Variants in ANKRD24 observed in about 807,000 individuals in gnomAD.
ANKRD24 encodes the protein ankyrin repeat domain-containing protein 24.
ANKRD24 carries 109 observed loss-of-function variants against 127.8 expected under a neutral mutation model. The observed-to-expected ratio is 0.85, with a 90% CI of 0.73 to 1.00. The LOEUF is 1.00. ANKRD24 is among the 50% of genes least tolerant of loss of function. ANKRD24 has a pLI of 0.00. For synonymous variants in ANKRD24, 743 were observed against 671.1 expected, an observed-to-expected ratio of 1.11 and a Z score of -1.66; for missense variants, 1,648 against 1,570.2, an observed-to-expected ratio of 1.05 and a Z score of -0.84.
chr19:4,187,509 G>A (rs1262558001), intron 2 of ANKRD24, among the ~76,000 whole-genome samples: 3 of 152,214 alleles, frequency 2.0e-5, no homozygotes, highest in Non-Finnish European at 4.4e-5. Flanking sequence ...CAAAGGCCCT[G>A]AGGTAGATCC....
rs1970180385 is a variant in ANKRD24, at chr19:4,217,552, C to G, written c.2392C>G (p.Leu798Val). ...RAALEQARED[L>V]RDRDSRLREL... ...GGCCCTGGAGCAGGCCCGGGAGGAC[C>G]TCCGAGACCGGGACTCCCGCCTGCG... The change falls in exon 18 of 22, where the codon CTC becomes GTC. Residue 798 changes from leucine (L) to valine (V), a missense_variant. By Grantham distance (32) the Leu-to-Val change is conservative. Transcript: ENST00000318934. 6.1e-6 allele frequency: 8 copies of G among 1,321,620 alleles called. No homozygotes were observed. Among genetic ancestry groups the G allele is most frequent in the Non-Finnish European group, 7.7e-6 (8 of 1,040,732 alleles). The allele number at this position is 1,321,620 out of a possible 1,614,324, so 81.9% of individuals were successfully genotyped here.
At chr19:4,186,545 T>C (rs1157509294) in intron 2 of ANKRD24, 84 bp downstream of exon 2, 1 of 1,439,180 alleles carries the variant, frequency 6.9e-7, no homozygotes, top group Non-Finnish European at 9.6e-7. Context: ...ATCCACCCTT[T>C]CATTCCAGTA....
At chr19:4,187,092 G>A (rs1968107538) in intron 2 of ANKRD24, among the ~76,000 whole-genome samples, 1 of 152,154 alleles carries the variant, frequency 6.6e-6, no homozygotes, top group Non-Finnish European at 1.5e-5. Context: ...CTTCCCAGAG[G>A]AGGTGGTATT....
intron 2 of ANKRD24, among the ~76,000 whole-genome samples, chr19:4,193,846 A>AAGGAAGGAAGGAAGGAAGGAT (rs1968531849): frequency 1.9e-5 from 1 of 51,646 alleles, no homozygotes; most frequent in Admixed American, 2.5e-4. Context: ...GGAGGGAGGG[A>AAGGAAGGAAGGAAGGAAGGAT]GGAAGGAAGG....
Position 4,199,718 on chromosome 19 carries a change from G to T in ANKRD24, c.72G>T (p.Pro24=). The T allele has an allele frequency of 3.3e-6, 5 of 1,538,062 alleles. No individual in the cohort carries two copies. The highest frequency in any genetic ancestry group is 1.4e-5 in the African/African-American group (1 of 72,990). The change falls in exon 3 of 22, where the codon CCG becomes CCT. Residue 24 remains proline (P), a synonymous_variant. Coordinates refer to ENST00000318934, the MANE Select transcript of ANKRD24 (RefSeq NM_001393985.1). This position sits in a 1 kb window ranked among gnomAD's most constrained non-coding sequence, Gnocchi z 5.2. ...RLSPTDLGSC[P]PCGPCPIPKP... is the part of the protein sequence containing the mutation. Reference sequence around the variant, plus strand: ...GCCCCACTGACCTTGGCTCCTGCCCGCCCTGCGGCCCCTGCCCCATCCCGA... The same window carrying T: ...GCCCCACTGACCTTGGCTCCTGCCCTCCCTGCGGCCCCTGCCCCATCCCGA...
At chr19:4,203,679 C>T (rs976968959) in intron 7 of ANKRD24, among the ~76,000 whole-genome samples, 2 of 151,368 alleles carry the variant, frequency 1.3e-5, no homozygotes, top group African/African-American at 4.9e-5. Context: ...TAGAATCTCC[C>T]TCTGTCGCCC....
rs751351411 is a variant in ANKRD24 at position 4,216,811 on chromosome 19, G to C, written c.1651G>C (p.Ala551Pro). 3.6e-5 allele frequency: 57 copies of C among 1,604,980 alleles called. No homozygotes were observed. The South Asian group carries it at 5.9e-4, about 17-fold the overall frequency. Reference protein sequence around the residue: ...PTHMELNGSVAPETKVNGAET... With the variant: ...PTHMELNGSVPPETKVNGAET... ...CCACATGGAGCTAAATGGCTCAGTG[G>C]CTCCAGAAACCAAAGTTAACGGAGC... The change falls in exon 18 of 22, where the codon GCT becomes CCT. Residue 551 changes from alanine (A) to proline (P), a missense_variant. Coordinates refer to ENST00000318934, the MANE Select transcript of ANKRD24 (RefSeq NM_001393985.1).
chr19:4,199,432 A>T lies in ANKRD24; in HGVS notation c.37-251A>T. ...CTACTATGGTGCCCAGGTTTGTCTC[A>T]AACTCCTAGGCTCAAGCGATCCTCC... On this transcript the variant is annotated intron_variant, in intron 2 of 21. Coordinates refer to ENST00000318934, the MANE Select transcript of ANKRD24 (RefSeq NM_001393985.1). This position sits in a 1 kb window ranked among gnomAD's most constrained non-coding sequence, Gnocchi z 5.2. The T allele has an allele frequency of 2.2e-6, 2 of 921,352 alleles. No homozygotes were observed. Among genetic ancestry groups the T allele is most frequent in the Non-Finnish European group, 2.6e-6 (2 of 771,622 alleles). 57.1% of individuals were successfully genotyped at this position (921,352 alleles called of 1,614,324 possible).
chr19:4,195,763 G>A lies in ANKRD24; in HGVS notation c.37-3920G>A, dbSNP rs62130861. Among the ~76,000 whole-genome samples the A allele has an allele frequency of 8.3e-3, 1,264 of 152,240 alleles. 41 individuals are homozygous for A. Among genetic ancestry groups the A allele is most frequent in the Admixed American group, 0.054 (822 of 15,294 alleles). ...ACAAAAATTCGCTAGGCGTGGTGGC[G>A]TGTGCCTGTAATCCCAGCTACTCGG... On this transcript the variant is annotated intron_variant, in intron 2 of 21. Coordinates refer to ENST00000318934, the MANE Select transcript of ANKRD24 (RefSeq NM_001393985.1). This position sits in a 1 kb window ranked among gnomAD's most constrained non-coding sequence, Gnocchi z 4.2.
At chr19:4,213,813 G>A in intron 15 of ANKRD24, among the ~76,000 whole-genome samples, 1 of 151,668 alleles carries the variant, frequency 6.6e-6, no homozygotes. Flanking sequence ...TTTTGTATTT[G>A]TAGTAGAAAT....
intron 1 of ANKRD24, among the ~76,000 whole-genome samples, chr19:4,184,503 T>A (rs758421795): frequency 2.0e-5 from 3 of 152,200 alleles, no homozygotes; most frequent in Non-Finnish European, 2.9e-5. Context: ...CCTGCCTAGC[T>A]TCCTCCAAGG....
At chr19:4,186,064 C>T (rs1003439848) in intron 1 of ANKRD24, among the ~76,000 whole-genome samples, 9 of 152,060 alleles carry the variant, frequency 5.9e-5, no homozygotes, top group South Asian at 2.1e-4. Context: ...CTGTTTGGAC[C>T]GCAGGAAATA....
At chr19:4,207,134 G>A in intron 7 of ANKRD24, 108 bp from the exon 8 acceptor site, 1 of 788,732 alleles carries the variant, frequency 1.3e-6, no homozygotes, top group South Asian at 1.5e-5. Flanking sequence ...TGTTGGCCCA[G>A]GTTGGTCTCA....
Position 4,216,733 on chromosome 19 carries a change from G to A in ANKRD24, c.1573G>A (p.Ala525Thr). The A allele has an allele frequency of 6.3e-7, 1 of 1,577,974 alleles. No individual in the cohort carries two copies. The highest frequency in any genetic ancestry group is 8.6e-7 in the Non-Finnish European group (1 of 1,162,446). The change falls in exon 18 of 22, where the codon GCC (alanine) becomes ACC (threonine). Residue 525 changes from alanine (A) to threonine (T), a missense_variant. Ala to Thr is a moderately conservative substitution (Grantham distance 58). Coordinates refer to ENST00000318934, the MANE Select transcript of ANKRD24 (RefSeq NM_001393985.1). ...AGAGGTCCCCAGAGAAGAGGGGGCA[G>A]CCTGTGGGGAGAGTGAGGTTGCTGG... is the stretch of plus-strand genomic sequence containing the variant. ...TREVPREEGA[A>T]CGESEVAGAT...
At chr19:4,210,398 G>T (rs750524563) in intron 13 of ANKRD24, 26 bp downstream of exon 13, 4 of 1,442,898 alleles carry the variant, frequency 2.8e-6, no homozygotes, top group Non-Finnish European at 3.7e-6. Context: ...AGATTTGGGC[G>T]TGGGCCAGCC....
intron 2 of ANKRD24, among the ~76,000 whole-genome samples, chr19:4,193,834 C>CGGAAGGGAGGGAGGGA (rs754244147): frequency 2.6e-5 from 2 of 78,350 alleles, no homozygotes; most frequent in Admixed American, 1.6e-4. Context: ...GAGACTCCGT[C>CGGAAGGGAGGGAGGGA]GGGAGGGAGG....
chr19:4,214,047 C>T (rs750935612), intron 15 of ANKRD24, among the ~76,000 whole-genome samples: 12 of 152,206 alleles, frequency 7.9e-5, no homozygotes, highest in Non-Finnish European at 1.8e-4. Flanking sequence ...ACACAGTTTA[C>T]AGACACGCAA....
rs531023548 is a variant in ANKRD24, at chr19:4,186,486, G to A, written c.36+25G>A. 13 of 1,584,568 alleles carry A rather than the reference G, an allele frequency of 8.2e-6. No homozygotes were observed. The African/African-American group carries it at 1.5e-4, about 18-fold the overall frequency. ...GGTGAGTGTGAGGCCCTAGATGCCC[G>A]ATACACCCCTGCAACTTCAGCCTTC... On this transcript the variant is annotated intron_variant, in intron 2 of 21. Coordinates refer to ENST00000318934, the MANE Select transcript of ANKRD24 (RefSeq NM_001393985.1).
chr19:4,200,244 C>A lies in ANKRD24; in HGVS notation c.343+73C>A, dbSNP rs1174139781. On this transcript the variant is annotated intron_variant, in intron 5 of 21. Transcript: ENST00000318934. Reference sequence around the variant, plus strand: ...GCCCAGCCTGAGGGTCCAGCCAGACCCTGCTCCCAGGTCTCAATGTTCCCC... The same window carrying A: ...GCCCAGCCTGAGGGTCCAGCCAGACACTGCTCCCAGGTCTCAATGTTCCCC... The A allele has an allele frequency of 3.0e-5, 43 of 1,447,656 alleles. No homozygotes were observed. The East Asian group carries it at 1.1e-3, about 36-fold the overall frequency. The allele number at this position is 1,447,656 out of a possible 1,614,324, so 89.7% of individuals were successfully genotyped here.
Sources: gnomAD v4.1 joint callset for allele counts (sites outside exome capture counted in the v4.1 genomes callset) on GRCh38, gnomAD v4.1.1 for gene constraint, Gnocchi (gnomAD v3.1) non-coding constraint, MANE v1.5 for transcripts, NCBI Gene and HGNC (gene_info 2026-07-23, HGNC 2026-07-21) for gene names.